PSMF1: variants seen among roughly 807,000 people sequenced by gnomAD.
PSMF1 encodes proteasome inhibitor PI31 subunit.
A neutral mutation model predicts 29.3 loss-of-function variants in PSMF1; 30 were observed. The observed-to-expected ratio is 1.02, with a 90% confidence interval of 0.77 to 1.39. The LOEUF (loss-of-function observed/expected upper bound fraction) is 1.39. PSMF1 is among the 40% of genes most tolerant of loss of function. The pLI is 0.00. For synonymous variants in PSMF1, 134 were observed against 139.7 expected, an observed-to-expected ratio of 0.96 and a Z score of 0.29; for missense variants, 344 against 357.5, an observed-to-expected ratio of 0.96 and a Z score of 0.31.
At position 1,163,222 on chromosome 20, in the gene PSMF1, T is replaced by C; in HGVS notation, c.605+39T>C. 1.9e-6 allele frequency: 3 copies of C among 1,603,852 alleles called. No homozygotes were observed. Among genetic ancestry groups the C allele is most frequent in the Non-Finnish European group, 2.6e-6 (3 of 1,171,172 alleles). ...GGGAGGTGGCAGCAACACAACTTGC[T>C]TTTGTGGCTTTTCAGCCCCAGCTCA... On this transcript the variant is annotated intron_variant, in intron 5 of 6. Coordinates refer to ENST00000335877, the MANE Select transcript of PSMF1 (RefSeq NM_006814.5). This position sits in a 1 kb window ranked among gnomAD's most constrained non-coding sequence, Gnocchi z 6.1.
rs556285997 is a variant in PSMF1 at position 1,141,828 on chromosome 20, C to T, written c.551+6522C>T. ...ATAAGTTTGACCAGGTTGCCAGATA[C>T]CAGATTAACATACAAAAGTTAATTG... is the stretch of plus-strand genomic sequence containing the variant. On this transcript the variant is annotated intron_variant, in intron 4 of 6. Transcript: ENST00000335877. Among the ~76,000 whole-genome samples the T allele has an allele frequency of 7.9e-5, 12 of 152,226 alleles. No individual in the cohort carries two copies. In the South Asian group the frequency reaches 2.5e-3, roughly 32 times the overall value.
At chr20:1,115,962 A>G (rs536936369), upstream of PSMF1, among the ~76,000 whole-genome samples, 1 of 150,532 alleles carries the variant, frequency 6.6e-6, no homozygotes, top group East Asian at 2.0e-4. Context: ...TGAACTCCTG[A>G]CCTCGTGATC....
rs1420118436 is a variant in PSMF1 at position 1,167,261 on chromosome 20, G to A, written c.*2181G>A. On this transcript the variant is annotated 3_prime_UTR_variant, in exon 7 of 7. Transcript: ENST00000335877. Reference sequence around the variant, plus strand: ...CAAGGAGCAAGTTGGAGTGTTTCAGGTGTATATTTTGTAGAACCCAAAAGA... The same window carrying A: ...CAAGGAGCAAGTTGGAGTGTTTCAGATGTATATTTTGTAGAACCCAAAAGA... 1.3e-5 allele frequency: 2 copies of A among 151,860 alleles called. No homozygotes were observed. The highest frequency in any genetic ancestry group is 4.9e-5 in the African/African-American group (2 of 41,150). 9.4% of individuals were successfully genotyped at this position (151,860 alleles called of 1,614,324 possible). A position where few individuals can be genotyped will look rare whatever the true frequency, so the allele number is the denominator to read the frequency against.
Position 1,165,167 on chromosome 20 carries a change from G to C in PSMF1, c.*87G>C. On this transcript the variant is annotated 3_prime_UTR_variant, in exon 7 of 7. Coordinates refer to ENST00000335877, the MANE Select transcript of PSMF1 (RefSeq NM_006814.5). ...CCCATCAGCAACCATGTTCTTGCAG[G>C]CTGGGGGCAAGGGATTCTGCTCATG... The C allele has an allele frequency of 6.2e-7, 1 of 1,608,258 alleles. No individual in the cohort carries two copies. The highest frequency in any genetic ancestry group is 1.3e-5 in the African/African-American group (1 of 74,954).
At chr20:1,113,493 C>CACACACACACACACACA (rs3222210) in intron 1 of PSMF1, 27 of 155,142 alleles carry the variant, frequency 1.7e-4, no homozygotes, top group East Asian at 5.8e-4. Context: ...CACACACACA[C>CACACACACACACACACA]CAGCCCCAGG....
chr20:1,129,668 A>G (rs1365509491), intron 3 of PSMF1, among the ~76,000 whole-genome samples: 1 of 152,258 alleles, frequency 6.6e-6, no homozygotes, highest in African/African-American at 2.4e-5. Context: ...GGGTAGTATC[A>G]GAATAACCAG....
chr20:1,146,711 TG>T (rs1438523105), intron 4 of PSMF1, among the ~76,000 whole-genome samples: 2 of 152,232 alleles, frequency 1.3e-5, no homozygotes, highest in Non-Finnish European at 2.9e-5. Flanking sequence ...AATGATCAGC[TG>T]GGTTCATACC....
intron 3 of PSMF1, among the ~76,000 whole-genome samples, chr20:1,133,468 T>C (rs1379352566): frequency 6.7e-6 from 1 of 149,750 alleles, no homozygotes; most frequent in East Asian, 1.9e-4. Context: ...ATAGTTCTTT[T>C]TATACATTTT....
intron 3 of PSMF1, among the ~76,000 whole-genome samples, chr20:1,132,578 G>A (rs2086244317): frequency 6.6e-6 from 1 of 152,078 alleles, no homozygotes. Context: ...CCTGGCCTCT[G>A]TGCCTTTTCA....
rs2086711524 is a variant in PSMF1 at position 1,165,033 on chromosome 20, A to T, written c.769A>T (p.Asn257Tyr). 2 of 1,613,668 alleles carry T rather than the reference A, an allele frequency of 1.2e-6. No individual in the cohort carries two copies. The highest frequency in any genetic ancestry group is 2.7e-5 in the African/African-American group (2 of 74,856). ...CAGCCCCTCTTTCCATTCCAGACCT[A>T]ACCCAGACCATCTCCCCCCGCCGGG... ...GPIGTSPPGPNPDHLPPPGYD... is the reference protein window; with the variant it reads ...GPIGTSPPGPYPDHLPPPGYD... The change falls in exon 7 of 7, where the codon AAC becomes TAC. Residue 257 changes from asparagine (N) to tyrosine (Y), a missense_variant. Asn to Tyr is a moderately radical substitution (Grantham distance 143, BLOSUM62 -2). Coordinates refer to ENST00000335877, the MANE Select transcript of PSMF1 (RefSeq NM_006814.5).
At chr20:1,142,889 A>G (rs2086401941) in intron 4 of PSMF1, among the ~76,000 whole-genome samples, 1 of 152,238 alleles carries the variant, frequency 6.6e-6, no homozygotes, top group Non-Finnish European at 1.5e-5. Context: ...TCCCACCAAC[A>G]GTGTAAAAGT....
At chr20:1,113,959 G>A (rs1234868210), upstream of PSMF1, among the ~76,000 whole-genome samples, 1 of 152,166 alleles carries the variant, frequency 6.6e-6, no homozygotes, top group African/African-American at 2.4e-5. Flanking sequence ...CCAAAGTGCT[G>A]GGATTACAGG....
chr20:1,125,642 A>G lies in PSMF1; in HGVS notation c.274A>G (p.Asn92Asp). The G allele has an allele frequency of 6.2e-7, 1 of 1,611,856 alleles. No individual in the cohort carries two copies. The change falls in exon 2 of 7, where the codon AAT (asparagine) becomes GAT (aspartate). Residue 92 changes from asparagine to aspartate, a missense_variant. Asn to Asp is a conservative substitution (Grantham distance 23, BLOSUM62 1). Coordinates refer to ENST00000335877, the MANE Select transcript of PSMF1 (RefSeq NM_006814.5). Reference sequence around the variant, plus strand: ...CACCGTGGAGAGCAGCATGATCCTCAATGTGCTGGTGAGTCTCTGGGACAC... The same window carrying G: ...CACCGTGGAGAGCAGCATGATCCTCGATGTGCTGGTGAGTCTCTGGGACAC... ...AITVESSMIL[N>D]VLEYGSQQVA...
At chr20:1,158,900 A>G (rs1312678852) in intron 4 of PSMF1, among the ~76,000 whole-genome samples, 1 of 131,452 alleles carries the variant, frequency 7.6e-6, no homozygotes, top group East Asian at 2.1e-4. Context: ...CTGAGTTCAT[A>G]AAAAAATTAG....
At chr20:1,145,074 C>T (rs1393358848) in intron 4 of PSMF1, among the ~76,000 whole-genome samples, 3 of 152,180 alleles carry the variant, frequency 2.0e-5, no homozygotes, top group East Asian at 1.9e-4. Flanking sequence ...TTAGTAGAGA[C>T]GAGGTTTCAC....
intron 4 of PSMF1, among the ~76,000 whole-genome samples, chr20:1,136,989 A>G (rs947858173): frequency 6.6e-6 from 1 of 152,218 alleles, no homozygotes; most frequent in African/African-American, 2.4e-5. Flanking sequence ...TTACACCTCC[A>G]TGAGTATCTA....
At chr20:1,135,697 C>T (rs533661886) in intron 4 of PSMF1, among the ~76,000 whole-genome samples, 19 of 152,176 alleles carry the variant, frequency 1.2e-4, no homozygotes, top group Non-Finnish European at 2.2e-4. Flanking sequence ...AAAATGTAAA[C>T]ATGTAGAGGT....
intron 3 of PSMF1, among the ~76,000 whole-genome samples, chr20:1,128,004 A>G (rs546815354): frequency 6.6e-6 from 1 of 152,164 alleles, no homozygotes; most frequent in Non-Finnish European, 1.5e-5. Flanking sequence ...GTTACAACTA[A>G]TGAGTCTACA....
chr20:1,143,917 C>CG (rs2086415500), intron 4 of PSMF1, among the ~76,000 whole-genome samples: 2 of 151,774 alleles, frequency 1.3e-5, no homozygotes, highest in African/African-American at 4.8e-5. Context: ...ATGGTGAAAC[C>CG]GTGTCTCTTC....
Sources: allele counts gnomAD v4.1 joint callset (sites outside exome capture counted in the v4.1 genomes callset), GRCh38; gene constraint gnomAD v4.1.1; non-coding constraint Gnocchi (gnomAD v3.1); transcripts MANE v1.5; gene names NCBI Gene and HGNC (gene_info 2026-07-23, HGNC 2026-07-21).